TMEM198: variants seen among roughly 807,000 people sequenced by gnomAD.
TMEM198 encodes the protein transmembrane protein 198.
A neutral mutation model predicts 31.5 loss-of-function variants in TMEM198; 21 were observed. The observed-to-expected ratio is 0.67, with a 90% CI of 0.47 to 0.96. The LOEUF (loss-of-function observed/expected upper bound fraction) is 0.96. Among genes scored for constraint, TMEM198 ranks in the 40% least tolerant of loss-of-function variants. The pLI, the probability that TMEM198 is intolerant of heterozygous loss-of-function variation, is 0.00. For synonymous variants in TMEM198, 211 were observed against 223.3 expected, an observed-to-expected ratio of 0.95 and a Z score of 0.49; for missense variants, 447 against 499.4, an observed-to-expected ratio of 0.89 and a Z score of 1.00.
chr2:219,549,593 A>AGG, intron 4 of TMEM198, 124 bp from the exon 5 acceptor site: 1 of 1,451,546 alleles, frequency 6.9e-7, no homozygotes, highest in Non-Finnish European at 9.4e-7. Flanking sequence ...GTGGGGTCTC[A>AGG]GGGCTGTGGA....
intron 2 of TMEM198, among the ~76,000 whole-genome samples, chr2:219,546,719 C>G (rs1010162296): frequency 2.0e-5 from 3 of 152,000 alleles, no homozygotes; most frequent in African/African-American, 7.3e-5. Flanking sequence ...ATCTCTGAAG[C>G]CCTGTGACCC....
intron 3 of TMEM198, among the ~76,000 whole-genome samples, chr2:219,548,913 G>A (rs2105996707): frequency 6.6e-6 from 1 of 150,478 alleles, no homozygotes; most frequent in East Asian, 2.0e-4. Flanking sequence ...TGACAGCCTG[G>A]AAGGGGGTAC....
chr2:219,544,468 C>G (rs1204433879), intron 1 of TMEM198, 91 bp downstream of exon 1: 2 of 580,508 alleles, frequency 3.4e-6, no homozygotes, highest in African/African-American at 1.9e-5. Flanking sequence ...TTCATCCCCC[C>G]GACTCCCGTC....
chr2:219,548,097 C>T lies in TMEM198; in HGVS notation c.742+16C>T. The stretch of plus-strand genomic sequence containing the variant: ...CACACGGAAGGTAAGGGGGCACAGG[C>T]CAAGGTGGACATGAGAGGAGTGGGT... On this transcript the variant is annotated intron_variant, in intron 3 of 4. Transcript: ENST00000373883. 1 of 1,515,246 alleles carries T rather than the reference C, an allele frequency of 6.6e-7. No homozygotes were observed. Among genetic ancestry groups the T allele is most frequent in the African/African-American group, 1.4e-5 (1 of 73,650 alleles). 93.9% of individuals were successfully genotyped at this position (1,515,246 alleles called of 1,614,324 possible).
upstream of TMEM198, chr2:219,543,686 G>T: frequency 1.9e-6 from 1 of 515,224 alleles, no homozygotes; most frequent in Non-Finnish European, 3.1e-6. Context: ...AGAGCCAGCG[G>T]CCCGAGCCGA....
Position 219,548,095 on chromosome 2 carries a change from G to C in TMEM198, c.742+14G>C, listed in dbSNP as rs751603729. The C allele has an allele frequency of 9.2e-6, 14 of 1,519,156 alleles. No homozygotes were observed. Among genetic ancestry groups the C allele is most frequent in the South Asian group, 8.8e-5 (7 of 79,302 alleles). The allele number at this position is 1,519,156 out of a possible 1,614,324, so 94.1% of individuals were successfully genotyped here. On this transcript the variant is annotated intron_variant, in intron 3 of 4. Transcript: ENST00000373883. ...CCCACACGGAAGGTAAGGGGGCACA[G>C]GCCAAGGTGGACATGAGAGGAGTGG...
At chr2:219,545,188 C>T (rs753204351) in intron 2 of TMEM198, among the ~76,000 whole-genome samples, 1 of 152,226 alleles carries the variant, frequency 6.6e-6, no homozygotes, top group Non-Finnish European at 1.5e-5. Context: ...CAATATTTGT[C>T]TCATGTAGTG....
At chr2:219,548,746 G>A (rs1695450581) in intron 3 of TMEM198, among the ~76,000 whole-genome samples, 1 of 152,306 alleles carries the variant, frequency 6.6e-6, no homozygotes, top group Non-Finnish European at 1.5e-5. Context: ...TTAAAGTAGG[G>A]GAGGATAGAA....
rs1296429137 is a variant in TMEM198, at chr2:219,544,122, C to T, written c.-295C>T. The T allele has an allele frequency of 2.2e-6, 1 of 454,502 alleles. No homozygotes were observed. The highest frequency in any genetic ancestry group is 4.4e-6 in the Non-Finnish European group (1 of 225,492). The allele number at this position is 454,502 out of a possible 1,614,324, so 28.2% of individuals were successfully genotyped here. A position where few individuals can be genotyped will look rare whatever the true frequency, so the allele number is the denominator to read the frequency against. On this transcript the variant is annotated 5_prime_UTR_variant, in exon 1 of 5. Coordinates refer to ENST00000373883, the MANE Select transcript of TMEM198 (RefSeq NM_001005209.3). ...GGTTCTGGGGCGGCCCGAGCCCCGG[C>T]TCCTGCGCCTTCCCCTTCCTCAGGC...
intron 3 of TMEM198, 145 bp from the exon 4 acceptor site, chr2:219,549,007 G>A (rs1695461855): frequency 2.4e-6 from 2 of 822,240 alleles, no homozygotes; most frequent in South Asian, 3.4e-5. Context: ...AGGAGACCAG[G>A]AAAGGAAGTG....
chr2:219,549,001 G>A lies in TMEM198; in HGVS notation c.743-151G>A, dbSNP rs780027283. ...GGGAAGTCTCCTCTGAGAGGTAGGA[G>A]ACCAGGAAAGGAAGTGACAGGGTGG... On this transcript the variant is annotated intron_variant, in intron 3 of 4. Transcript: ENST00000373883. 130 of 773,126 alleles carry A rather than the reference G, an allele frequency of 1.7e-4. 1 individual carries two copies. Among genetic ancestry groups the A allele is most frequent in the Non-Finnish European group, 2.5e-4 (115 of 468,348 alleles). The allele number at this position is 773,126 out of a possible 1,614,324, so 47.9% of individuals were successfully genotyped here.
At position 219,549,800 on chromosome 2, in the gene TMEM198, G is replaced by A. The variant is rs1559129075; in HGVS notation, c.1029G>A (p.Glu343=). ...FMASPTDADY[E]YGSRGPLTAC... Reference sequence around the variant, plus strand: ...CCTCACCCACAGATGCGGACTATGAGTATGGGTCCCGGGGACCTCTGACAG... The same window carrying A: ...CCTCACCCACAGATGCGGACTATGAATATGGGTCCCGGGGACCTCTGACAG... The change falls in exon 5 of 5, where the codon GAG becomes GAA. Residue 343 remains glutamate, a synonymous_variant. Coordinates refer to ENST00000373883, the MANE Select transcript of TMEM198 (RefSeq NM_001005209.3). 3.7e-6 allele frequency: 6 copies of A among 1,614,154 alleles called. No homozygotes were observed. The South Asian group carries it at 6.6e-5, about 18-fold the overall frequency.
At chr2:219,545,623 A>C (rs796274150) in intron 2 of TMEM198, among the ~76,000 whole-genome samples, 6 of 152,352 alleles carry the variant, frequency 3.9e-5, no homozygotes, top group African/African-American at 1.2e-4. Context: ...CTAGTGGCCC[A>C]GTATAATGGG....
rs773951832 is a variant in TMEM198 at position 219,544,687 on chromosome 2, A to G, written c.-39-2A>G. On this transcript the variant is annotated splice_acceptor_variant, in intron 1 of 4. Transcript: ENST00000373883. LOFTEE classifies it low-confidence loss of function (5UTR_SPLICE). Reference sequence around the variant, plus strand: ...CCGTGACCCCAACTTTCCCTCTGTCAGGTTAACTTGGGAGGGTGACTCCCT... The same window carrying G: ...CCGTGACCCCAACTTTCCCTCTGTCGGGTTAACTTGGGAGGGTGACTCCCT... The G allele has an allele frequency of 3.8e-6, 6 of 1,599,438 alleles. No individual in the cohort carries two copies. The African/African-American group carries it at 8.0e-5, about 21-fold the overall frequency.
Position 219,550,052 on chromosome 2 carries a change from C to G in TMEM198, c.*198C>G, listed in dbSNP as rs1695521743. On this transcript the variant is annotated 3_prime_UTR_variant, in exon 5 of 5. Coordinates refer to ENST00000373883, the MANE Select transcript of TMEM198 (RefSeq NM_001005209.3). ...CCCCCTCCCAAGCTCCCAAGAGGCT[C>G]CTGAGGAACTCGGGGTGTGAACCCC... is the stretch of plus-strand genomic sequence containing the variant. 4.4e-6 allele frequency: 3 copies of G among 686,342 alleles called. No homozygotes were observed. In the Admixed American group the frequency reaches 9.0e-5, roughly 21 times the overall value. 42.5% of individuals were successfully genotyped at this position (686,342 alleles called of 1,614,324 possible).
rs923256773 is a variant in TMEM198 at position 219,550,159 on chromosome 2, C to T, written c.*305C>T. ...TGGGGGTGGGCAGGCTTGGAGGGGA[C>T]GCTGGGACCCTTGCCTTAGATTTCT... On this transcript the variant is annotated 3_prime_UTR_variant, in exon 5 of 5. Transcript: ENST00000373883. 2.1e-5 allele frequency: 6 copies of T among 290,722 alleles called. No individual in the cohort carries two copies. Among genetic ancestry groups the T allele is most frequent in the East Asian group, 1.2e-4 (2 of 16,470 alleles). 18.0% of individuals were successfully genotyped at this position (290,722 alleles called of 1,614,324 possible).
rs562594782 is a variant in TMEM198 at position 219,548,367 on chromosome 2, T to C, written c.742+286T>C. On this transcript the variant is annotated intron_variant, in intron 3 of 4. Transcript: ENST00000373883. ...GGATTCAAGGCAGGCAGGAGACAGA[T>C]AACAGAGATGCAAACAAACATGATT... is the stretch of plus-strand genomic sequence containing the variant. 2.6e-5 allele frequency among the ~76,000 whole-genome samples: 4 copies of C among 152,300 alleles called. No homozygotes were observed. In the South Asian group the frequency reaches 8.3e-4, roughly 32 times the overall value.
At chr2:219,543,719 T>TC, upstream of TMEM198, 1 of 442,234 alleles carries the variant, frequency 2.3e-6, no homozygotes, top group South Asian at 6.5e-5. Context: ...GCGCCTCGAT[T>TC]CCCCTCCAGC....
chr2:219,547,058 G>A (rs1416587315), intron 2 of TMEM198, among the ~76,000 whole-genome samples: 1 of 151,944 alleles, frequency 6.6e-6, no homozygotes, highest in East Asian at 1.9e-4. Flanking sequence ...CACCACGCCC[G>A]GCCCTCGAGT....
Sources: gnomAD v4.1 joint callset for allele counts (sites outside exome capture counted in the v4.1 genomes callset) on GRCh38, gnomAD v4.1.1 for gene constraint, MANE v1.5 for transcripts, NCBI Gene and HGNC (gene_info 2026-07-23, HGNC 2026-07-21) for gene names.